MXD4: variants seen among roughly 807,000 people sequenced by gnomAD.
MXD4 encodes Mad4 homolog.
A neutral mutation model predicts 24.5 loss-of-function variants in MXD4; 16 were observed. The ratio of observed to expected loss-of-function variants is 0.65; its 90% CI spans 0.44 to 0.99. The LOEUF is 0.99. Ranked by LOEUF, MXD4 falls within the 50% of genes least tolerant of loss-of-function variation. MXD4 has a pLI of 0.00. For synonymous variants in MXD4, 164 were observed against 134.2 expected, an observed-to-expected ratio of 1.22 and a Z score of -1.54; for missense variants, 301 against 301.5, an observed-to-expected ratio of 1.00 and a Z score of 0.01.
chr4:2,261,287 G>A (rs1735537098), intron 2 of MXD4, among the ~76,000 whole-genome samples: 1 of 152,126 alleles, frequency 6.6e-6, no homozygotes, highest in Non-Finnish European at 1.5e-5. Flanking sequence ...GTCGAAAGGA[G>A]GCCGCCCACC....
chr4:2,255,040 G>A (rs1735397948), intron 3 of MXD4: 2 of 352,022 alleles, frequency 5.7e-6, no homozygotes, highest in Non-Finnish European at 5.6e-6. Flanking sequence ...GGAAGTCCCT[G>A]TGTAAACCAG....
At chr4:2,251,918 G>C (rs535448099) in intron 4 of MXD4, among the ~76,000 whole-genome samples, 1 of 152,286 alleles carries the variant, frequency 6.6e-6, no homozygotes, top group Admixed American at 6.5e-5. Context: ...TCCTTTGGGG[G>C]GCGGTCCCAG....
chr4:2,251,952 C>CCA (rs1735332681), intron 4 of MXD4, among the ~76,000 whole-genome samples: 1 of 152,152 alleles, frequency 6.6e-6, no homozygotes, highest in Non-Finnish European at 1.5e-5. Flanking sequence ...GAGCCCAGAC[C>CCA]CACTGCCAGC....
At chr4:2,251,599 C>T (rs762439337) in intron 4 of MXD4, among the ~76,000 whole-genome samples, 1 of 152,260 alleles carries the variant, frequency 6.6e-6, no homozygotes, top group African/African-American at 2.4e-5. Context: ...CCAGGACAGT[C>T]CTGCTTACAG....
chr4:2,257,305 G>C (rs889803464), intron 3 of MXD4, among the ~76,000 whole-genome samples: 1 of 152,212 alleles, frequency 6.6e-6, no homozygotes, highest in Non-Finnish European at 1.5e-5. Context: ...AGGAGAGAGC[G>C]AAGGACCAGC....
At chr4:2,250,960 GT>G in intron 5 of MXD4, 123 bp downstream of exon 5, 1 of 1,282,818 alleles carries the variant, frequency 7.8e-7, no homozygotes, top group Non-Finnish European at 1.0e-6. Flanking sequence ...ACACACCCCA[GT>G]GCAGCAGGGA....
chr4:2,249,827 G>A lies in MXD4; in HGVS notation c.*717C>T, dbSNP rs775149089. The A allele has an allele frequency of 6.6e-6, 1 of 152,670 alleles. No individual in the cohort carries two copies. Among genetic ancestry groups the A allele is most frequent in the Non-Finnish European group, 1.5e-5 (1 of 68,338 alleles). 9.5% of individuals were successfully genotyped at this position (152,670 alleles called of 1,614,324 possible). On this transcript the variant is annotated 3_prime_UTR_variant, in exon 6 of 6. Coordinates refer to ENST00000337190, the MANE Select transcript of MXD4 (RefSeq NM_006454.3). ...AGAACATGTGACCTCGGGACGCCCA[G>A]GTGTGTCTGCATGTGTGAGCATGTA... is the stretch of plus-strand genomic sequence containing the variant.
chr4:2,260,499 A>T (rs576140717), intron 2 of MXD4: 1 of 453,956 alleles, frequency 2.2e-6, no homozygotes, highest in African/African-American at 2.0e-5. Context: ...CTCACGCCCC[A>T]GAGTTCTCCA....
At chr4:2,258,739 G>A (rs1343537770) in intron 2 of MXD4, 5 of 361,744 alleles carry the variant, frequency 1.4e-5, no homozygotes, top group Non-Finnish European at 2.8e-5. Context: ...GGGCTTCTGA[G>A]ATGTGGATGC....
chr4:2,259,867 G>A (rs576638874), intron 2 of MXD4, among the ~76,000 whole-genome samples: 3 of 152,300 alleles, frequency 2.0e-5, no homozygotes, highest in African/African-American at 7.2e-5. Flanking sequence ...CCTGCAGGCT[G>A]GCCCCAGTGC....
Position 2,249,415 on chromosome 4 carries a change from C to T in MXD4, c.*1129G>A, listed in dbSNP as rs924247947. ...GCGGCACACACGGACGTCCCTAGGC[C>T]GAGAGTCTTTAGGCTTTCTTCTTTT... On this transcript the variant is annotated 3_prime_UTR_variant, in exon 6 of 6. Transcript: ENST00000337190. The T allele has an allele frequency of 1.3e-5, 2 of 151,840 alleles. No homozygotes were observed. Among genetic ancestry groups the T allele is most frequent in the African/African-American group, 4.8e-5 (2 of 41,286 alleles). 9.4% of individuals were successfully genotyped at this position (151,840 alleles called of 1,614,324 possible).
intron 3 of MXD4, chr4:2,255,234 T>G (rs972415976): frequency 4.5e-6 from 2 of 441,402 alleles, no homozygotes; most frequent in African/African-American, 4.0e-5. Flanking sequence ...TCGGCAATGT[T>G]AGTGCCCGCG....
At chr4:2,251,700 C>G (rs1009167940) in intron 4 of MXD4, among the ~76,000 whole-genome samples, 3 of 152,222 alleles carry the variant, frequency 2.0e-5, no homozygotes, top group African/African-American at 7.2e-5. Context: ...GCCCTGCCCT[C>G]TCTAAACCTT....
In MXD4 at chr4:2,260,545, G is replaced by A. The variant is rs766252855; in HGVS notation, c.164+1180C>T. Reference sequence around the variant, plus strand: ...ACTTGGTTTGGAGAGAAGCGGCAGCGGGGGCCGGGCTTGCTCACTGAGGAG... The same window carrying A: ...ACTTGGTTTGGAGAGAAGCGGCAGCAGGGGCCGGGCTTGCTCACTGAGGAG... On this transcript the variant is annotated intron_variant, in intron 2 of 5. Coordinates refer to ENST00000337190, the MANE Select transcript of MXD4 (RefSeq NM_006454.3). The A allele has an allele frequency of 4.4e-5, 20 of 455,680 alleles. 1 individual carries two copies. The highest frequency in any genetic ancestry group is 2.9e-4 in the South Asian group (19 of 64,510). 28.2% of individuals were successfully genotyped at this position (455,680 alleles called of 1,614,324 possible).
intron 4 of MXD4, among the ~76,000 whole-genome samples, chr4:2,251,469 A>G (rs1004791119): frequency 2.6e-5 from 4 of 152,230 alleles, no homozygotes; most frequent in African/African-American, 9.6e-5. Context: ...GCCACCTCCC[A>G]GCCCTGTGGT....
At chr4:2,250,975 G>A (rs1735308488) in intron 5 of MXD4, 109 bp downstream of exon 5, 1 of 1,348,704 alleles carries the variant, frequency 7.4e-7, no homozygotes, top group African/African-American at 1.5e-5. Flanking sequence ...GCAGGGAGCT[G>A]GGAGGGTTCT....
At chr4:2,258,614 G>A (rs961971260) in intron 2 of MXD4, among the ~76,000 whole-genome samples, 2 of 152,224 alleles carry the variant, frequency 1.3e-5, no homozygotes, top group African/African-American at 4.8e-5. Context: ...TCAGGACACA[G>A]GTGGTCCTGT....
At chr4:2,261,853 C>G in intron 1 of MXD4, 29 bp from the exon 2 acceptor site, 1 of 1,368,994 alleles carries the variant, frequency 7.3e-7, no homozygotes, top group Non-Finnish European at 9.4e-7. Context: ...GTCAGCGGCC[C>G]CCGCCCGGCA....
chr4:2,253,052 A>G lies in MXD4; in HGVS notation c.195-530T>C, dbSNP rs187212858. On this transcript the variant is annotated intron_variant, in intron 3 of 5. Transcript: ENST00000337190. The stretch of plus-strand genomic sequence containing the variant: ...ACCCAAGTTTCATATCCCTTTGGAA[A>G]CTGCCTCATTCCAGATTCTGTCCCC... 2.2e-3 allele frequency: 350 copies of G among 155,644 alleles called. 1 individual carries two copies. The highest frequency in any genetic ancestry group is 2.7e-3 in the Non-Finnish European group (190 of 69,826). The allele number at this position is 155,644 out of a possible 1,614,324, so 9.6% of individuals were successfully genotyped here.
Sources: allele counts gnomAD v4.1 joint callset (sites outside exome capture counted in the v4.1 genomes callset), GRCh38; gene constraint gnomAD v4.1.1; transcripts MANE v1.5; gene names NCBI Gene and HGNC (gene_info 2026-07-23, HGNC 2026-07-21).